PRTG: variants seen among roughly 807,000 people sequenced by gnomAD.
PRTG encodes the protein immunoglobulin superfamily, DCC subclass, member 5.
In PRTG, 67 loss-of-function variants were observed where a neutral mutation model predicts 122.5. The observed-to-expected ratio is 0.55, with a 90% CI of 0.45 to 0.67. The LOEUF is 0.67. Among genes scored for constraint, PRTG ranks in the 30% least tolerant of loss-of-function variants. The pLI is 0.00. For synonymous variants in PRTG, 554 were observed against 501.1 expected (o/e 1.11, Z -1.41); for missense variants, 1,435 against 1,415.4 (o/e 1.01, Z -0.22).
intron 2 of PRTG, among the ~76,000 whole-genome samples, chr15:55,732,740 G>A (rs890971773): frequency 3.2e-4 from 49 of 151,900 alleles, no homozygotes; most frequent in African/African-American, 9.9e-4. Context: ...GTGATCCGCC[G>A]GCCCTGGCCT....
chr15:55,612,697 A>AATATAT lies in PRTG; in HGVS notation c.*7309_*7314dup, dbSNP rs59773365. 175 of 120,660 alleles carry AATATAT rather than the reference A, an allele frequency of 1.5e-3. 4 individuals are homozygous for AATATAT. The highest frequency in any genetic ancestry group is 3.3e-3 in the African/African-American group (71 of 21,366). The allele number at this position is 120,660 out of a possible 1,614,324, so 7.5% of individuals were successfully genotyped here. The stretch of plus-strand genomic sequence containing the variant: ...TTCTCTCTTTAACTCTTTAAAAGCC[A>AATATAT]ATATATATATATATATATATATATA... On this transcript the variant is annotated 3_prime_UTR_variant, in exon 20 of 20. Coordinates refer to ENST00000389286, the MANE Select transcript of PRTG (RefSeq NM_173814.6).
intron 11 of PRTG, among the ~76,000 whole-genome samples, chr15:55,650,252 G>A (rs979500580): frequency 6.6e-6 from 1 of 152,108 alleles, no homozygotes; most frequent in Non-Finnish European, 1.5e-5. Flanking sequence ...GACAAAAAAG[G>A]GTAAATATAA....
At chr15:55,647,876 T>G (rs928413453) in intron 11 of PRTG, among the ~76,000 whole-genome samples, 5 of 152,218 alleles carry the variant, frequency 3.3e-5, no homozygotes, top group African/African-American at 1.2e-4. Flanking sequence ...CTCCCTAATA[T>G]TCTCTGGTGT....
intron 2 of PRTG, among the ~76,000 whole-genome samples, chr15:55,726,741 A>C (rs1452452366): frequency 1.3e-5 from 2 of 152,086 alleles, no homozygotes; most frequent in African/African-American, 4.8e-5. Context: ...ACTCACACAT[A>C]TATGAAAATT....
rs1363806298 is a variant in PRTG, at chr15:55,618,169, G to T, written c.*1843C>A. On this transcript the variant is annotated 3_prime_UTR_variant, in exon 20 of 20. Coordinates refer to ENST00000389286, the MANE Select transcript of PRTG (RefSeq NM_173814.6). ...GGGGGACTCTGAGTTTAGTTCAGAA[G>T]TGGTTGCTGGCATTGAACTTTAGTC... 6.6e-6 allele frequency: 1 copy of T among 152,158 alleles called. No homozygotes were observed. The highest frequency in any genetic ancestry group is 2.4e-5 in the African/African-American group (1 of 41,430). 9.4% of individuals were successfully genotyped at this position (152,158 alleles called of 1,614,324 possible).
Position 55,663,571 on chromosome 15 carries a change from C to T in PRTG, c.2041+8874G>A, listed in dbSNP as rs368827589. Among the ~76,000 whole-genome samples, 8 of 149,078 alleles carry T rather than the reference C, an allele frequency of 5.4e-5. No individual in the cohort carries two copies. The South Asian group carries it at 1.5e-3, about 28-fold the overall frequency. ...TTTTTTTGGTAGGGAGACAAAGTTT[C>T]GCTCTCGTTGCCCTGGCTGGAGTGC... On this transcript the variant is annotated intron_variant, in intron 11 of 19. Coordinates refer to ENST00000389286, the MANE Select transcript of PRTG (RefSeq NM_173814.6).
chr15:55,725,593 CA>C (rs757960009), intron 2 of PRTG, among the ~76,000 whole-genome samples: 5,052 of 119,556 alleles, frequency 0.042, 86 homozygotes, highest in Middle Eastern at 0.052. Context: ...GACCCTGTCT[CA>C]AAAAAAAAAA....
chr15:55,712,957 CAGA>C (rs1364357983), intron 2 of PRTG, among the ~76,000 whole-genome samples: 5 of 152,148 alleles, frequency 3.3e-5, no homozygotes. Context: ...TTCAAACATG[CAGA>C]AGAATGAGTA....
intron 2 of PRTG, among the ~76,000 whole-genome samples, chr15:55,740,013 G>T (rs2031557926): frequency 6.6e-6 from 1 of 152,178 alleles, no homozygotes. Context: ...CAATTTGCTT[G>T]TGATTGTTTT....
chr15:55,623,835 T>C (rs16976432), intron 18 of PRTG, among the ~76,000 whole-genome samples: 21,541 of 152,214 alleles, frequency 0.14, 2,185 homozygotes, highest in African/African-American at 0.29. Flanking sequence ...TACAACTTTC[T>C]TCAGCCATAA....
chr15:55,704,526 TTCA>T (rs762837245), intron 2 of PRTG, among the ~76,000 whole-genome samples: 40 of 152,208 alleles, frequency 2.6e-4, no homozygotes, highest in Non-Finnish European at 5.0e-4. Flanking sequence ...AGCATTGTTC[TTCA>T]TCGTTTTATA....
intron 16 of PRTG, among the ~76,000 whole-genome samples, chr15:55,627,620 G>A (rs1278140668): frequency 6.6e-6 from 1 of 151,660 alleles, no homozygotes; most frequent in East Asian, 1.9e-4. Context: ...GATTACAGGC[G>A]TGAGCCACCA....
chr15:55,654,152 A>G (rs939676444), intron 11 of PRTG, among the ~76,000 whole-genome samples: 7 of 152,184 alleles, frequency 4.6e-5, no homozygotes, highest in Non-Finnish European at 8.8e-5. Context: ...CCTTTTGTGA[A>G]TCACTGTGGA....
At chr15:55,724,473 G>A (rs1315177349) in intron 2 of PRTG, among the ~76,000 whole-genome samples, 3 of 152,068 alleles carry the variant, frequency 2.0e-5, no homozygotes, top group African/African-American at 4.8e-5. Flanking sequence ...GAAAAAGGCT[G>A]GGTGCTATAG....
chr15:55,734,880 G>A (rs2031360174), intron 2 of PRTG, among the ~76,000 whole-genome samples: 1 of 152,160 alleles, frequency 6.6e-6, no homozygotes, highest in African/African-American at 2.4e-5. Context: ...TTCAGAATTA[G>A]AGCTGGTGAA....
chr15:55,703,688 C>A (rs1360640299), intron 2 of PRTG, among the ~76,000 whole-genome samples: 2 of 152,162 alleles, frequency 1.3e-5, no homozygotes, highest in Non-Finnish European at 2.9e-5. Flanking sequence ...ATCTCTAGAG[C>A]TGATAAAATG....
chr15:55,653,813 T>C (rs2059366354), intron 11 of PRTG, among the ~76,000 whole-genome samples: 1 of 152,234 alleles, frequency 6.6e-6, no homozygotes, highest in South Asian at 2.1e-4. Flanking sequence ...GATTGTTTTG[T>C]AAACTTCAGA....
At chr15:55,626,369 A>C (rs2059194808) in intron 17 of PRTG, among the ~76,000 whole-genome samples, 1 of 151,770 alleles carries the variant, frequency 6.6e-6, no homozygotes, top group Non-Finnish European at 1.5e-5. Flanking sequence ...AGACTGTGCT[A>C]CTGCACTCCA....
At chr15:55,660,764 G>C (rs1221893854) in intron 11 of PRTG, among the ~76,000 whole-genome samples, 1 of 152,122 alleles carries the variant, frequency 6.6e-6, no homozygotes, top group Non-Finnish European at 1.5e-5. Flanking sequence ...AAATAAAGCA[G>C]TAAAATAAAT....
Sources: allele counts gnomAD v4.1 joint callset (sites outside exome capture counted in the v4.1 genomes callset), GRCh38; gene constraint gnomAD v4.1.1; transcripts MANE v1.5; gene names NCBI Gene and HGNC (gene_info 2026-07-23, HGNC 2026-07-21).